SCAF11: variants seen among roughly 807,000 people sequenced by gnomAD.
SCAF11 encodes the protein SR-related CTD associated factor 11, also known as protein SCAF11.
In SCAF11, 47 loss-of-function variants were observed where a neutral mutation model predicts 140.5. That is an observed-to-expected ratio of 0.33 (90% CI 0.26 to 0.43). SCAF11 has a LOEUF of 0.43. Ranked by LOEUF, SCAF11 falls within the 20% of genes least tolerant of loss-of-function variation. The pLI is 1.00. For missense variants in SCAF11, 1,645 were observed against 1,705.1 expected (o/e 0.96, Z 0.62); for synonymous variants, 557 against 579.4 (o/e 0.96, Z 0.55).
chr12:45,929,574 A>G (rs985801834), intron 10 of SCAF11: 3 of 152,246 alleles, frequency 2.0e-5, no homozygotes, highest in Non-Finnish European at 2.9e-5. Flanking sequence ...CTAAAGATCT[A>G]TGGTTTGGAT....
rs375862247 is a variant in SCAF11 at position 45,931,524 on chromosome 12, T to C, written c.823A>G (p.Ile275Val). Reference protein sequence around the residue: ...LPRTIFPTSTISFEHFGTSCK... With the variant: ...LPRTIFPTSTVSFEHFGTSCK... The stretch of plus-strand genomic sequence containing the variant: ...ACTTTACCAAAATGTTCGAAAGATA[T>C]GGTACTTGTTGGAAAAATAGTTCTT... The change falls in exon 10 of 15, where the codon ATA becomes GTA. Residue 275 changes from isoleucine (I) to valine (V), a missense_variant. Around this residue, in one of 2 missense-constraint regions of SCAF11, gnomAD observed 1,582 missense variants for 1,609.2 expected, o/e 0.98. Transcript: ENST00000369367. 4.1e-6 allele frequency: 6 copies of C among 1,466,464 alleles called. No individual in the cohort carries two copies. The highest frequency in any genetic ancestry group is 3.2e-5 in the South Asian group (2 of 63,136). The allele number at this position is 1,466,464 out of a possible 1,614,324, so 90.8% of individuals were successfully genotyped here.
Position 45,934,291 on chromosome 12 carries a change from A to C in SCAF11, c.523-6T>G. ...CTCCAATTTGATCTCTGAGGCTAGAAAAGTAAAAAGTAGTTAGTGAAACAG... is the reference window on the plus strand; with the variant it reads ...CTCCAATTTGATCTCTGAGGCTAGACAAGTAAAAAGTAGTTAGTGAAACAG... On this transcript the variant is annotated splice_polypyrimidine_tract_variant and splice_region_variant and intron_variant, in intron 7 of 14. Transcript: ENST00000369367. 6.4e-7 allele frequency: 1 copy of C among 1,573,276 alleles called. No homozygotes were observed. The highest frequency in any genetic ancestry group is 8.7e-7 in the Non-Finnish European group (1 of 1,149,620).
In SCAF11 at chr12:45,919,425, T is replaced by C. The variant is rs147727215; in HGVS notation, c.*2623A>G. 19 of 152,720 alleles carry C rather than the reference T, an allele frequency of 1.2e-4. No homozygotes were observed. The highest frequency in any genetic ancestry group is 2.6e-4 in the Non-Finnish European group (18 of 68,028). The allele number at this position is 152,720 out of a possible 1,614,324, so 9.5% of individuals were successfully genotyped here. A position where few individuals can be genotyped will look rare whatever the true frequency, so the allele number is the denominator to read the frequency against. The stretch of plus-strand genomic sequence containing the variant: ...ATAACTACTATTAGTCTCAAAATTC[T>C]AGGCATTTCTATAAAACATTGGTCA... On this transcript the variant is annotated 3_prime_UTR_variant, in exon 15 of 15. Transcript: ENST00000369367.
At chr12:45,954,846 A>G (rs1475621168) in intron 3 of SCAF11, 4 of 148,960 alleles carry the variant, frequency 2.7e-5, no homozygotes, top group Non-Finnish European at 4.4e-5. Flanking sequence ...TCAGCCTCCC[A>G]AAGTGTTGGG....
At position 45,927,549 on chromosome 12, in the gene SCAF11, G is replaced by C; in HGVS notation, c.2152C>G (p.Pro718Ala). The change falls in exon 11 of 15, where the codon CCT (proline) becomes GCT (alanine). Residue 718 changes from proline (P) to alanine (A), a missense_variant. Physicochemically the swap from Pro to Ala is conservative, Grantham distance 27. This residue lies in a region of SCAF11 where 1,582 missense variants were observed against 1,609.2 expected (regional missense o/e 0.98). Coordinates refer to ENST00000369367, the MANE Select transcript of SCAF11 (RefSeq NM_004719.3). The stretch of plus-strand genomic sequence containing the variant: ...CTGCAAAATGAATCACACTCCATAG[G>C]TATCATTTCATTGTTGTCCTCACTA... ...HFSEDNNEMI[P>A]MECDSFCSDQ... 1 of 1,613,096 alleles carries C rather than the reference G, an allele frequency of 6.2e-7. No individual in the cohort carries two copies. Among genetic ancestry groups the C allele is most frequent in the Non-Finnish European group, 8.5e-7 (1 of 1,179,882 alleles).
At chr12:45,940,237 C>T (rs1051742490) in intron 6 of SCAF11, among the ~76,000 whole-genome samples, 2 of 151,920 alleles carry the variant, frequency 1.3e-5, no homozygotes, top group Non-Finnish European at 2.9e-5. Context: ...GACCTTTAAC[C>T]TGAAGGAAAA....
intron 11 of SCAF11, among the ~76,000 whole-genome samples, chr12:45,925,556 C>A (rs1287703789): frequency 6.6e-6 from 1 of 151,732 alleles, no homozygotes; most frequent in African/African-American, 2.4e-5. Context: ...TCTCAAAAAA[C>A]AAAACGAACA....
chr12:45,962,186 A>T (rs1945848317), intron 2 of SCAF11, among the ~76,000 whole-genome samples: 1 of 152,168 alleles, frequency 6.6e-6, no homozygotes, highest in African/African-American at 2.4e-5. Flanking sequence ...CAACTGTTAA[A>T]TTTCTTTTGT....
chr12:45,932,988 G>T, intron 9 of SCAF11, 143 bp downstream of exon 9: 2 of 562,010 alleles, frequency 3.6e-6, no homozygotes, highest in Non-Finnish European at 6.2e-6. Flanking sequence ...TCTTTATTGG[G>T]CATTTGAAAC....
At chr12:45,972,457 T>C (rs1946095338) in intron 1 of SCAF11, among the ~76,000 whole-genome samples, 1 of 151,766 alleles carries the variant, frequency 6.6e-6, no homozygotes, top group African/African-American at 2.4e-5. Flanking sequence ...TAGTGGTGTG[T>C]CACTGTAGTC....
At chr12:45,943,424 T>C (rs1339450497) in intron 6 of SCAF11, among the ~76,000 whole-genome samples, 4 of 152,146 alleles carry the variant, frequency 2.6e-5, no homozygotes, top group Admixed American at 2.6e-4. Context: ...ATAAGAAATT[T>C]TGAGAGAGCC....
intron 12 of SCAF11, 53 bp from the exon 13 acceptor site, chr12:45,923,207 C>T (rs1294212978): frequency 6.8e-7 from 1 of 1,474,138 alleles, no homozygotes; most frequent in African/African-American, 1.4e-5. Flanking sequence ...CGATAGAAGT[C>T]TTTTAGTGAT....
intron 6 of SCAF11, among the ~76,000 whole-genome samples, chr12:45,942,197 A>T (rs1004483589): frequency 2.6e-5 from 4 of 152,236 alleles, no homozygotes; most frequent in Non-Finnish European, 5.9e-5. Context: ...GGCAGTCAAA[A>T]GTAATACACT....
intron 1 of SCAF11, among the ~76,000 whole-genome samples, chr12:45,970,149 C>A (rs1337788991): frequency 6.6e-6 from 1 of 152,194 alleles, no homozygotes; most frequent in Non-Finnish European, 1.5e-5. Context: ...CCGCCTTGGC[C>A]TCCCAAAGTG....
chr12:45,922,268 A>C lies in SCAF11; in HGVS notation c.4246-74T>G, dbSNP rs945760221. 85 of 1,505,924 alleles carry C rather than the reference A, an allele frequency of 5.6e-5. No homozygotes were observed. In the Middle Eastern group the frequency reaches 1.1e-3, roughly 19 times the overall value. 93.3% of individuals were successfully genotyped at this position (1,505,924 alleles called of 1,614,324 possible). A position where few individuals can be genotyped will look rare whatever the true frequency, so the allele number is the denominator to read the frequency against. On this transcript the variant is annotated intron_variant, in intron 14 of 14. Transcript: ENST00000369367. ...TAAAGCCAAAATAGAAAGCTTTGTG[A>C]AAAACAACCCCAAAGAGATAACCAG...
At chr12:45,958,125 AAACTCCTGG>A (rs1312469004) in intron 3 of SCAF11, among the ~76,000 whole-genome samples, 1 of 151,514 alleles carries the variant, frequency 6.6e-6, no homozygotes, top group Non-Finnish European at 1.5e-5. Flanking sequence ...GGCTGGTCTT[AAACTCCTGG>A]GCTCGAGTGA....
intron 3 of SCAF11, chr12:45,953,707 A>T (rs1439328541): frequency 1.2e-5 from 2 of 165,654 alleles, no homozygotes; most frequent in Non-Finnish European, 2.7e-5. Flanking sequence ...GTAAAAACTA[A>T]GATGTATAGA....
rs192531741 is a variant in SCAF11 at position 45,976,757 on chromosome 12, T to C, written c.-21-12569A>G. ...ATTAAATTTCTTCTATCAGAAAAGG[T>C]CTCAAATCAGTAATTTAAACTTGCA... On this transcript the variant is annotated intron_variant, in intron 1 of 14. Transcript: ENST00000369367. Among the ~76,000 whole-genome samples the C allele has an allele frequency of 5.9e-5, 9 of 152,028 alleles. No homozygotes were observed. In the East Asian group the frequency reaches 1.5e-3, roughly 26 times the overall value.
At chr12:45,991,983 T>A (rs1237192751), upstream of SCAF11, 2 of 1,288,988 alleles carry the variant, frequency 1.6e-6, no homozygotes, top group Non-Finnish European at 2.0e-6. Context: ...CCCTGACGCC[T>A]GCCCGGGATG....
Sources: allele counts gnomAD v4.1 joint callset (sites outside exome capture counted in the v4.1 genomes callset), GRCh38; gene constraint gnomAD v4.1.1; regional missense constraint gnomAD v4.1.1; transcripts MANE v1.5; gene names NCBI Gene and HGNC (gene_info 2026-07-23, HGNC 2026-07-21).